C1orf146: variants seen among roughly 807,000 people sequenced by gnomAD.
C1orf146 encodes chromosome 1 open reading frame 146, also known as protein SPO16 homolog.
In C1orf146, 22 loss-of-function variants were observed where a neutral mutation model predicts 23.0. The ratio of observed to expected loss-of-function variants is 0.96; its 90% CI spans 0.68 to 1.36. The LOEUF (loss-of-function observed/expected upper bound fraction) is 1.36, where lower values mean the gene tolerates loss of function less well. Ranked by LOEUF, C1orf146 falls within the 40% of genes most tolerant of loss-of-function variation. The probability of loss-of-function intolerance (pLI) is 0.00; values close to 1 mark genes in which losing one functional copy is unlikely to be tolerated. For missense variants in C1orf146, 199 were observed against 206.8 expected (o/e 0.96, Z 0.23); for synonymous variants, 59 against 65.3 (o/e 0.90, Z 0.47).
At chr1:92,225,735 C>A (rs1437678335) in intron 1 of C1orf146, among the ~76,000 whole-genome samples, 4 of 151,926 alleles carry the variant, frequency 2.6e-5, no homozygotes, top group Non-Finnish European at 4.4e-5. Context: ...GTTATATATT[C>A]CTGATATATT....
intron 1 of C1orf146, among the ~76,000 whole-genome samples, chr1:92,219,173 G>A (rs1003978964): frequency 1.3e-5 from 2 of 152,126 alleles, no homozygotes; most frequent in Non-Finnish European, 2.9e-5. Context: ...AGCTATGTGG[G>A]TGTATTAGTA....
At chr1:92,234,539 C>A (rs1652223668) in intron 2 of C1orf146, among the ~76,000 whole-genome samples, 1 of 152,146 alleles carries the variant, frequency 6.6e-6, no homozygotes, top group African/African-American at 2.4e-5. Context: ...ATTTTTGCAT[C>A]AATGTTCATC....
intron 1 of C1orf146, among the ~76,000 whole-genome samples, chr1:92,218,787 C>T (rs1651748124): frequency 6.6e-6 from 1 of 152,040 alleles, no homozygotes; most frequent in Non-Finnish European, 1.5e-5. Flanking sequence ...TTTTTGTTTT[C>T]AGGTGAGGAT....
intron 2 of C1orf146, among the ~76,000 whole-genome samples, chr1:92,237,225 A>G (rs930709681): frequency 6.6e-5 from 10 of 151,730 alleles, no homozygotes; most frequent in Non-Finnish European, 1.0e-4. Flanking sequence ...TTTTTTCCCC[A>G]TCTTTGTGGT....
intron 3 of C1orf146, 106 bp from the exon 4 acceptor site, chr1:92,244,111 C>A: frequency 1.5e-6 from 1 of 674,788 alleles, no homozygotes; most frequent in Non-Finnish European, 2.5e-6. Flanking sequence ...GAGTTTAGGG[C>A]TTGGACACAT....
intron 1 of C1orf146, among the ~76,000 whole-genome samples, chr1:92,225,716 A>T (rs955095910): frequency 2.0e-5 from 3 of 152,126 alleles, no homozygotes; most frequent in Admixed American, 2.0e-4. Flanking sequence ...ATGTATCAGG[A>T]TATACATTGT....
intron 2 of C1orf146, 52 bp downstream of exon 2, chr1:92,231,538 C>A: frequency 7.8e-7 from 1 of 1,283,162 alleles, no homozygotes; most frequent in Non-Finnish European, 1.1e-6. Flanking sequence ...TTAAAAGCAG[C>A]TTTCATATAG....
At chr1:92,243,314 A>AT in intron 3 of C1orf146, among the ~76,000 whole-genome samples, 1 of 152,080 alleles carries the variant, frequency 6.6e-6, no homozygotes, top group Non-Finnish European at 1.5e-5. Context: ...GAGATTGCAG[A>AT]TATCTGCTCA....
Position 92,244,275 on chromosome 1 carries a change from T to G in C1orf146, c.219T>G (p.Phe73Leu). ...KECLLSTEEI[F>L]LAKIEKFINI... Reference sequence around the variant, plus strand: ...GTCTTCTGTCAACTGAAGAAATATTTCTAGCCAAAATTGAGAAATTTATTA... The same window carrying G: ...GTCTTCTGTCAACTGAAGAAATATTGCTAGCCAAAATTGAGAAATTTATTA... Residue 73 changes from phenylalanine (F) to leucine (L), a missense_variant, in exon 4 of 6, where the codon TTT becomes TTG. Transcript: ENST00000370375. The G allele has an allele frequency of 3.1e-6, 5 of 1,609,982 alleles. No homozygotes were observed. Among genetic ancestry groups the G allele is most frequent in the Non-Finnish European group, 4.2e-6 (5 of 1,177,146 alleles).
intron 1 of C1orf146, among the ~76,000 whole-genome samples, chr1:92,225,036 C>T (rs765484421): frequency 2.0e-5 from 3 of 152,042 alleles, no homozygotes; most frequent in South Asian, 2.1e-4. Context: ...CCACCGTGCC[C>T]GGCTTGTTCC....
At chr1:92,226,790 T>A (rs1651979897) in intron 1 of C1orf146, among the ~76,000 whole-genome samples, 1 of 152,242 alleles carries the variant, frequency 6.6e-6, no homozygotes, top group African/African-American at 2.4e-5. Flanking sequence ...TAGTATGCCA[T>A]GTCACTATTC....
chr1:92,241,302 C>T (rs1652425766), intron 2 of C1orf146, among the ~76,000 whole-genome samples: 1 of 151,892 alleles, frequency 6.6e-6, no homozygotes, highest in Non-Finnish European at 1.5e-5. Flanking sequence ...GCCTTAACCT[C>T]CCAGGCTCAA....
intron 1 of C1orf146, among the ~76,000 whole-genome samples, chr1:92,224,141 C>T (rs1339881229): frequency 1.3e-5 from 2 of 151,728 alleles, no homozygotes; most frequent in African/African-American, 4.8e-5. Context: ...AGCTCCTCCT[C>T]CCAGGGTCAC....
chr1:92,239,005 G>T (rs1449165211), intron 2 of C1orf146, among the ~76,000 whole-genome samples: 1 of 152,132 alleles, frequency 6.6e-6, no homozygotes, highest in Admixed American at 6.5e-5. Context: ...GCAATCCATT[G>T]CCTTGGCCTC....
intron 2 of C1orf146, chr1:92,241,042 C>T (rs1477485569): frequency 1.1e-5 from 4 of 365,088 alleles, no homozygotes; most frequent in Non-Finnish European, 2.3e-5. Flanking sequence ...GTAATGTAAA[C>T]TGATGAATTG....
At position 92,238,333 on chromosome 1, in the gene C1orf146, A is replaced by T. The variant is rs575677707; in HGVS notation, c.67-3879A>T. ...GGGATGCTGGTATAAAAGTTAAACA[A>T]GTGTTTTTTTGTTTTGGTTTGGTTT... On this transcript the variant is annotated intron_variant, in intron 2 of 5. Transcript: ENST00000370375. 3.0e-4 allele frequency among the ~76,000 whole-genome samples: 46 copies of T among 152,272 alleles called. No individual in the cohort carries two copies. In the South Asian group the frequency reaches 8.3e-3, roughly 27 times the overall value.
intron 1 of C1orf146, chr1:92,229,423 A>G: frequency 3.8e-6 from 2 of 529,346 alleles, no homozygotes; most frequent in Non-Finnish European, 3.8e-6. Flanking sequence ...GGCAGCTTGT[A>G]GCTCTTCTCC....
chr1:92,231,092 T>C (rs969493443), intron 1 of C1orf146, among the ~76,000 whole-genome samples: 1 of 152,218 alleles, frequency 6.6e-6, no homozygotes, highest in African/African-American at 2.4e-5. Flanking sequence ...AGGCTAACTT[T>C]TTAGCTTGCA....
intron 1 of C1orf146, among the ~76,000 whole-genome samples, chr1:92,218,899 C>T (rs1420264315): frequency 6.6e-6 from 1 of 152,192 alleles, no homozygotes; most frequent in East Asian, 1.9e-4. Context: ...AGGCACTGCC[C>T]CAGCCCCAGG....
Sources: allele counts gnomAD v4.1 joint callset (sites outside exome capture counted in the v4.1 genomes callset), GRCh38; gene constraint gnomAD v4.1.1; transcripts MANE v1.5; gene names NCBI Gene and HGNC (gene_info 2026-07-23, HGNC 2026-07-21).